Variants in DLGAP2 observed in about 807,000 individuals in gnomAD.
DLGAP2 encodes the protein disks large-associated protein 2.
In DLGAP2, 26 loss-of-function variants were observed where a neutral mutation model predicts 100.3. The ratio of observed to expected loss-of-function variants is 0.26; its 90% CI spans 0.19 to 0.36. The LOEUF is 0.36. Among genes scored for constraint, DLGAP2 ranks in the 10% least tolerant of loss-of-function variants. The pLI, the probability that DLGAP2 is intolerant of heterozygous loss-of-function variation, is 1.00. For missense variants in DLGAP2, 1,858 were observed against 1,453.2 expected (o/e 1.28, Z -4.53); for synonymous variants, 886 against 630.1 (o/e 1.41, Z -6.08).
chr8:1,697,363 C>T, intron 14 of DLGAP2, 64 bp downstream of exon 14: 6 of 1,520,882 alleles, frequency 3.9e-6, no homozygotes, highest in Non-Finnish European at 5.3e-6. Context: ...TAACGACCTG[C>T]TGCAGATAGA....
chr8:1,163,566 G>A (rs1796933660), intron 2 of DLGAP2, among the ~76,000 whole-genome samples: 2 of 152,342 alleles, frequency 1.3e-5, no homozygotes, highest in South Asian at 4.1e-4. Context: ...AGGTGCTTTT[G>A]GGGCAGAGAG....
At position 1,697,167 on chromosome 8, in the gene DLGAP2, G is replaced by C. The variant is rs752634990; in HGVS notation, c.2817G>C (p.Arg939Ser). 12 of 1,598,980 alleles carry C rather than the reference G, an allele frequency of 7.5e-6. No homozygotes were observed. In the African/African-American group the frequency reaches 1.6e-4, roughly 21 times the overall value. ...QQNMDPSAMP[R>S]PTSQDLAGYW... ...CCCAGGACCCCAGCGCCATGCCGAG[G>C]CCGACGTCGCAGGACCTGGCCGGCT... is the stretch of plus-strand genomic sequence containing the variant. Residue 939 changes from arginine to serine, a missense_variant, in exon 14 of 15, where the codon AGG becomes AGC. Transcript: ENST00000637795.
At chr8:1,120,313 C>T (rs1796007755) in intron 2 of DLGAP2, among the ~76,000 whole-genome samples, 2 of 152,168 alleles carry the variant, frequency 1.3e-5, no homozygotes, top group South Asian at 2.1e-4. Flanking sequence ...TAGGCATCTT[C>T]GTTCCAGCCA....
rs562337753 is a variant in DLGAP2 at position 876,999 on chromosome 8, G to A, written c.19-30913G>A. On this transcript the variant is annotated intron_variant, in intron 1 of 14. Transcript: ENST00000637795. Reference sequence around the variant, plus strand: ...ATGGTTATTTCTATATTTTTACCAGGTTTTTTTTTTTTTTATTTTTTGCAA... The same window carrying A: ...ATGGTTATTTCTATATTTTTACCAGATTTTTTTTTTTTTTATTTTTTGCAA... Among the ~76,000 whole-genome samples, 3 of 143,152 alleles carry A rather than the reference G, an allele frequency of 2.1e-5. No homozygotes were observed. The East Asian group carries it at 6.1e-4, about 29-fold the overall frequency. 93.9% of individuals were successfully genotyped at this position (143,152 alleles called of 152,430 possible). A position where few individuals can be genotyped will look rare whatever the true frequency, so the allele number is the denominator to read the frequency against.
chr8:1,067,335 A>T (rs1803285918), intron 2 of DLGAP2, among the ~76,000 whole-genome samples: 2 of 151,976 alleles, frequency 1.3e-5, no homozygotes, highest in Non-Finnish European at 2.9e-5. Context: ...GGGTTTTCTG[A>T]CCTGTTGGTG....
intron 3 of DLGAP2, among the ~76,000 whole-genome samples, chr8:1,366,751 G>A (rs1421736430): frequency 1.3e-5 from 2 of 152,198 alleles, no homozygotes; most frequent in East Asian, 1.9e-4. Context: ...CATCATCCAG[G>A]AGGCTGGACC....
chr8:1,292,980 G>A (rs1206898064), intron 3 of DLGAP2, among the ~76,000 whole-genome samples: 8 of 152,108 alleles, frequency 5.3e-5, no homozygotes, highest in Admixed American at 3.9e-4. Flanking sequence ...AGAGCACAAC[G>A]GCTGTTCCTC....
intron 3 of DLGAP2, among the ~76,000 whole-genome samples, chr8:1,459,512 T>A (rs890020495): frequency 6.6e-6 from 1 of 152,310 alleles, no homozygotes; most frequent in East Asian, 1.9e-4. Context: ...TCAGGAAAAC[T>A]TTAAATGGGC....
At chr8:808,258 C>T (rs191595800) in intron 1 of DLGAP2, among the ~76,000 whole-genome samples, 2 of 152,280 alleles carry the variant, frequency 1.3e-5, no homozygotes, top group African/African-American at 4.8e-5. Context: ...CTTACATGTG[C>T]ATGTAGCGGT....
Position 969,846 on chromosome 8 carries a change from G to T in DLGAP2, c.73+61880G>T, listed in dbSNP as rs114642992. Among the ~76,000 whole-genome samples the T allele has an allele frequency of 7.6e-3, 1,152 of 152,212 alleles. 13 individuals carry two copies. The highest frequency in any genetic ancestry group is 0.026 in the African/African-American group (1,100 of 41,540). ...GATCGTGTAGACTTAAAGTGATGGG[G>T]AATATGTTATTAGTACAGATTAAAC... On this transcript the variant is annotated intron_variant, in intron 2 of 14. Transcript: ENST00000637795.
At chr8:1,465,229 C>T (rs1044591782) in intron 3 of DLGAP2, among the ~76,000 whole-genome samples, 12 of 152,374 alleles carry the variant, frequency 7.9e-5, no homozygotes, top group East Asian at 1.9e-4. Flanking sequence ...AAGCCCCCCA[C>T]ACGTGGGTTC....
At chr8:1,409,305 G>A (rs1796663195) in intron 3 of DLGAP2, among the ~76,000 whole-genome samples, 1 of 149,970 alleles carries the variant, frequency 6.7e-6, no homozygotes, top group Non-Finnish European at 1.5e-5. Flanking sequence ...GAACCAACCA[G>A]TTCCTTCCTC....
At chr8:1,288,350 T>C (rs1369439959) in intron 3 of DLGAP2, among the ~76,000 whole-genome samples, 1 of 147,110 alleles carries the variant, frequency 6.8e-6, no homozygotes, top group East Asian at 2.1e-4. Flanking sequence ...TGTGTGTATG[T>C]AGTTGTTAGG....
intron 1 of DLGAP2, among the ~76,000 whole-genome samples, chr8:829,776 T>C (rs1280277495): frequency 6.6e-6 from 1 of 152,252 alleles, no homozygotes; most frequent in Non-Finnish European, 1.5e-5. Flanking sequence ...TCATAATTTA[T>C]ATTAACGAAA....
At chr8:1,261,953 T>C (rs1421703094) in intron 3 of DLGAP2, among the ~76,000 whole-genome samples, 1 of 152,136 alleles carries the variant, frequency 6.6e-6, no homozygotes, top group Non-Finnish European at 1.5e-5. Flanking sequence ...TGTGCAGCGC[T>C]CATTACATCC....
intron 2 of DLGAP2, among the ~76,000 whole-genome samples, chr8:1,179,191 C>G (rs962010197): frequency 2.0e-5 from 3 of 152,244 alleles, no homozygotes; most frequent in Non-Finnish European, 1.5e-5. Flanking sequence ...AAGTAAATGG[C>G]AAAGCCTGTT....
At position 1,320,225 on chromosome 8, in the gene DLGAP2, G is replaced by A. The variant is rs572161644; in HGVS notation, c.106+61342G>A. ...AAATGGGGAAGGGTAAGGATGAAATGATTTGCAGGGGAAAGTTATGTGTTC... is the reference window on the plus strand; with the variant it reads ...AAATGGGGAAGGGTAAGGATGAAATAATTTGCAGGGGAAAGTTATGTGTTC... On this transcript the variant is annotated intron_variant, in intron 3 of 14. Coordinates refer to ENST00000637795, the MANE Select transcript of DLGAP2 (RefSeq NM_001346810.2). Among the ~76,000 whole-genome samples, 5 of 152,194 alleles carry A rather than the reference G, an allele frequency of 3.3e-5. 1 individual carries two copies. Among genetic ancestry groups the A allele is most frequent in the Non-Finnish European group, 4.4e-5 (3 of 68,012 alleles).
At chr8:903,544 T>C (rs1466919) in intron 1 of DLGAP2, among the ~76,000 whole-genome samples, 18,533 of 152,074 alleles carry the variant, frequency 0.12, 1,493 homozygotes, top group Admixed American at 0.27. Flanking sequence ...TTACTTCCCA[T>C]AGGACGTCAT....
intron 5 of DLGAP2, among the ~76,000 whole-genome samples, chr8:1,562,944 A>G (rs116433468): frequency 0.013 from 800 of 60,060 alleles, 39 homozygotes; most frequent in Non-Finnish European, 0.016. Flanking sequence ...GGGACTGTGC[A>G]GTGTCCGGGT....
Sources: allele counts gnomAD v4.1 joint callset (sites outside exome capture counted in the v4.1 genomes callset), GRCh38; gene constraint gnomAD v4.1.1; transcripts MANE v1.5; gene names NCBI Gene and HGNC (gene_info 2026-07-23, HGNC 2026-07-21).